ASXL2: variants seen among roughly 807,000 people sequenced by gnomAD.
ASXL2 encodes ASXL transcriptional regulator 2, also known as putative Polycomb group protein ASXL2.
ASXL2 carries 23 observed loss-of-function variants against 122.0 expected under a neutral mutation model. That is an observed-to-expected ratio of 0.19 (90% CI 0.14 to 0.27). The LOEUF is 0.27. Ranked by LOEUF, ASXL2 falls within the 10% of genes least tolerant of loss-of-function variation. The probability of loss-of-function intolerance (pLI) is 1.00; values close to 1 mark genes in which losing one functional copy is unlikely to be tolerated. For synonymous variants in ASXL2, 650 were observed against 637.0 expected (o/e 1.02, Z -0.31); for missense variants, 1,518 against 1,713.8 (o/e 0.89, Z 2.02).
chr2:25,792,858 G>A (rs1031791947), intron 5 of ASXL2, among the ~76,000 whole-genome samples: 5 of 151,674 alleles, frequency 3.3e-5, no homozygotes, highest in Non-Finnish European at 7.4e-5. Flanking sequence ...TGCCCTCCTC[G>A]GCTTCCCAAA....
Position 25,743,435 on chromosome 2 carries a change from G to C in ASXL2, c.2902C>G (p.Leu968Val). Reference protein sequence around the residue: ...QGKDVPMEQILPKPLTKVEMK... With the variant: ...QGKDVPMEQIVPKPLTKVEMK... The stretch of plus-strand genomic sequence containing the variant: ...TCAACTTTGGTGAGAGGTTTAGGCA[G>C]AATTTGCTCCATGGGAACATCTTTG... Residue 968 changes from leucine (L) to valine (V), a missense_variant, in exon 13 of 13, where the codon CTG becomes GTG. Physicochemically the swap from Leu to Val is conservative, Grantham distance 32. Transcript: ENST00000435504. 1 of 1,613,886 alleles carries C rather than the reference G, an allele frequency of 6.2e-7. No individual in the cohort carries two copies. Among genetic ancestry groups the C allele is most frequent in the Non-Finnish European group, 8.5e-7 (1 of 1,179,900 alleles).
At chr2:25,871,682 C>T (rs2149204293) in intron 1 of ASXL2, among the ~76,000 whole-genome samples, 2 of 152,348 alleles carry the variant, frequency 1.3e-5, no homozygotes, top group Middle Eastern at 3.4e-3. Flanking sequence ...ACCTCCGCCT[C>T]CCGGGTTCAA....
At chr2:25,771,970 C>T (rs926096178) in intron 5 of ASXL2, among the ~76,000 whole-genome samples, 1 of 152,152 alleles carries the variant, frequency 6.6e-6, no homozygotes, top group African/African-American at 2.4e-5. Context: ...CAAAACTCTA[C>T]CACAGTTTTA....
At chr2:25,799,060 G>A (rs934886981) in intron 5 of ASXL2, among the ~76,000 whole-genome samples, 1 of 152,108 alleles carries the variant, frequency 6.6e-6, no homozygotes, top group Non-Finnish European at 1.5e-5. Flanking sequence ...AGGGGTACAT[G>A]GGAAATCTCT....
At chr2:25,790,800 CTTT>C (rs35046164) in intron 5 of ASXL2, among the ~76,000 whole-genome samples, 12 of 108,850 alleles carry the variant, frequency 1.1e-4, no homozygotes, top group African/African-American at 1.4e-4. Flanking sequence ...AGTTTTTTGT[CTTT>C]TTTTTTTTTT....
intron 1 of ASXL2, among the ~76,000 whole-genome samples, chr2:25,876,046 C>T (rs1381685371): frequency 6.6e-6 from 1 of 151,458 alleles, no homozygotes; most frequent in African/African-American, 2.4e-5. Context: ...ATAAAATAAC[C>T]CCCCAAAATT....
At chr2:25,858,194 C>T (rs1015291742) in intron 1 of ASXL2, among the ~76,000 whole-genome samples, 1 of 152,164 alleles carries the variant, frequency 6.6e-6, no homozygotes. Flanking sequence ...CTGCTCCCTC[C>T]ATTAGCTTAC....
chr2:25,813,833 G>A (rs2089202181), intron 3 of ASXL2, among the ~76,000 whole-genome samples: 1 of 152,182 alleles, frequency 6.6e-6, no homozygotes, highest in Admixed American at 6.5e-5. Flanking sequence ...GGCGGATCAT[G>A]AGGTCAGGAG....
rs1214837438 is a variant in ASXL2 at position 25,771,430 on chromosome 2, C to G, written c.504+10G>C. 2.5e-6 allele frequency: 4 copies of G among 1,600,764 alleles called. No homozygotes were observed. In the African/African-American group the frequency reaches 4.0e-5, roughly 16 times the overall value. ...ATTCTACTTGATAAATACAGACTAG[C>G]AATGCTTACCTGCTTTAGTGCCTTC... On this transcript the variant is annotated intron_variant, in intron 6 of 12. Transcript: ENST00000435504.
chr2:25,763,177 T>C (rs923222782), intron 8 of ASXL2, among the ~76,000 whole-genome samples: 1 of 152,088 alleles, frequency 6.6e-6, no homozygotes, highest in Non-Finnish European at 1.5e-5. Flanking sequence ...CAGAAGGAGC[T>C]ATCACTCACT....
Position 25,744,459 on chromosome 2 carries a change from G to T in ASXL2, c.1878C>A (p.Ile626=). 1 of 1,597,826 alleles carries T rather than the reference G, an allele frequency of 6.3e-7. No individual in the cohort carries two copies. The highest frequency in any genetic ancestry group is 8.5e-7 in the Non-Finnish European group (1 of 1,175,030). Residue 626 remains isoleucine, a synonymous_variant, in exon 13 of 13, where the codon ATC becomes ATA. Coordinates refer to ENST00000435504, the MANE Select transcript of ASXL2 (RefSeq NM_018263.6). The surrounding 1 kb of genome is among the most constrained non-coding windows in gnomAD (Gnocchi z 4.7). ...VPPLKIPVSR[I]SPMPFHPSQV... ...GCGATGGATGAAACGGCATGGGGGA[G>T]ATTCTGGAGACCGGGATCTGAAAGA...
intron 5 of ASXL2, 23 bp from the exon 6 acceptor site, chr2:25,771,563 A>T: frequency 6.3e-7 from 1 of 1,589,012 alleles, no homozygotes; most frequent in Admixed American, 1.7e-5. Flanking sequence ...AAGTGACAAT[A>T]AAAGATTTTT....
rs188411301 is a variant in ASXL2, at chr2:25,860,670, C to T, written c.58-15107G>A. Among the ~76,000 whole-genome samples the T allele has an allele frequency of 2.0e-3, 295 of 151,010 alleles. 3 individuals are homozygous for T. Among genetic ancestry groups the T allele is most frequent in the African/African-American group, 7.1e-3 (291 of 41,052 alleles). ...AGGTTGCAGTGATCCGAGATCATGCCACTGCACTCCAGCCTGGGCGACAGA... is the reference window on the plus strand; with the variant it reads ...AGGTTGCAGTGATCCGAGATCATGCTACTGCACTCCAGCCTGGGCGACAGA... On this transcript the variant is annotated intron_variant, in intron 1 of 12. Coordinates refer to ENST00000435504, the MANE Select transcript of ASXL2 (RefSeq NM_018263.6).
intron 1 of ASXL2, among the ~76,000 whole-genome samples, chr2:25,867,637 G>A (rs1214202767): frequency 1.3e-5 from 2 of 151,914 alleles, no homozygotes; most frequent in East Asian, 3.9e-4. Context: ...ATTATCTCCT[G>A]CCTAAAAATT....
In ASXL2 at chr2:25,742,699, C is replaced by A. The variant is rs375180879; in HGVS notation, c.3638G>T (p.Gly1213Val). ...AGATAGAGTTTCCCTGCTGTGAGGTCCTGAACTTGTGTCACCCTTGCCAGC... is the reference window on the plus strand; with the variant it reads ...AGATAGAGTTTCCCTGCTGTGAGGTACTGAACTTGTGTCACCCTTGCCAGC... ...QSAGKGDTSS[G>V]PHSRETLSTS... is the part of the protein sequence containing the mutation. Residue 1213 changes from glycine to valine, a missense_variant, in exon 13 of 13, where the codon GGA becomes GTA. Coordinates refer to ENST00000435504, the MANE Select transcript of ASXL2 (RefSeq NM_018263.6). 27 of 1,613,970 alleles carry A rather than the reference C, an allele frequency of 1.7e-5. No individual in the cohort carries two copies. In the African/African-American group the frequency reaches 3.3e-4, roughly 20 times the overall value.
intron 5 of ASXL2, among the ~76,000 whole-genome samples, chr2:25,773,807 G>T (rs2149157486): frequency 1.3e-5 from 2 of 151,884 alleles, no homozygotes; most frequent in Middle Eastern, 6.8e-3. Context: ...GAGGCAGGTG[G>T]AACACTTGAG....
At chr2:25,801,694 C>G (rs938175053) in intron 4 of ASXL2, among the ~76,000 whole-genome samples, 1 of 152,068 alleles carries the variant, frequency 6.6e-6, no homozygotes, top group Non-Finnish European at 1.5e-5. Context: ...TCATTTCAGC[C>G]CCTTTTACCC....
chr2:25,755,715 T>A (rs927822383), intron 10 of ASXL2, among the ~76,000 whole-genome samples: 2 of 152,206 alleles, frequency 1.3e-5, no homozygotes, highest in Non-Finnish European at 2.9e-5. Flanking sequence ...TTTCAATTCC[T>A]AGGCATTAAT....
intron 1 of ASXL2, among the ~76,000 whole-genome samples, chr2:25,868,250 T>C (rs573620607): frequency 2.0e-5 from 3 of 152,376 alleles, no homozygotes; most frequent in African/African-American, 7.2e-5. Context: ...TGAAATTCAA[T>C]ATGGCTAAGC....
Sources: gnomAD v4.1 joint callset for allele counts (sites outside exome capture counted in the v4.1 genomes callset) on GRCh38, gnomAD v4.1.1 for gene constraint, Gnocchi (gnomAD v3.1) non-coding constraint, MANE v1.5 for transcripts, NCBI Gene and HGNC (gene_info 2026-07-23, HGNC 2026-07-21) for gene names.